KAT14: variants seen among roughly 807,000 people sequenced by gnomAD.
KAT14 encodes the protein lysine acetyltransferase 14, also known as cysteine-rich protein 2-binding protein.
A neutral mutation model predicts 78.4 loss-of-function variants in KAT14; 66 were observed. That is an observed-to-expected ratio of 0.84 (90% confidence interval 0.69 to 1.03). KAT14 has a LOEUF of 1.03. Among genes scored for constraint, KAT14 ranks in the 50% least tolerant of loss-of-function variants. KAT14 has a pLI of 0.00. For missense variants in KAT14, 870 were observed against 972.5 expected (o/e 0.89, Z 1.40); for synonymous variants, 344 against 359.4 (o/e 0.96, Z 0.48).
chr20:18,176,216 G>A (rs1315473787), intron 7 of KAT14, among the ~76,000 whole-genome samples: 6 of 148,886 alleles, frequency 4.0e-5, no homozygotes, highest in East Asian at 4.0e-4. Flanking sequence ...CAGGAGAATC[G>A]CTTGAATCTG....
rs1256400101 is a variant in KAT14, at chr20:18,142,620, T to G, written c.-41T>G. 1 of 1,611,652 alleles carries G rather than the reference T, an allele frequency of 6.2e-7. No individual in the cohort carries two copies. Among genetic ancestry groups the G allele is most frequent in the African/African-American group, 1.3e-5 (1 of 74,858 alleles). ...TAGGGTCACTGTCCAGTGCTTAGGG[T>G]TGTTACTGAGAAGCACTGCCGAGCT... On this transcript the variant is annotated 5_prime_UTR_variant, in exon 2 of 11. Coordinates refer to ENST00000688188, the MANE Select transcript of KAT14 (RefSeq NM_001392073.1).
chr20:18,169,002 T>C (rs1177423752), intron 7 of KAT14, among the ~76,000 whole-genome samples: 1 of 152,188 alleles, frequency 6.6e-6, no homozygotes, highest in African/African-American at 2.4e-5. Flanking sequence ...TTTTTCATCT[T>C]TTTTGTCTTT....
intron 4 of KAT14, among the ~76,000 whole-genome samples, chr20:18,152,892 C>T (rs999381855): frequency 3.3e-5 from 5 of 152,296 alleles, no homozygotes; most frequent in Middle Eastern, 3.4e-3. Flanking sequence ...GCATTAGACT[C>T]GGGGATGCCG....
intron 7 of KAT14, among the ~76,000 whole-genome samples, chr20:18,164,390 G>C (rs2038557652): frequency 6.6e-6 from 1 of 151,944 alleles, no homozygotes; most frequent in African/African-American, 2.4e-5. Context: ...ATTACTATAG[G>C]GGTATAATTG....
chr20:18,175,365 T>G (rs2038999588), intron 7 of KAT14, among the ~76,000 whole-genome samples: 1 of 152,140 alleles, frequency 6.6e-6, no homozygotes, highest in African/African-American at 2.4e-5. Flanking sequence ...GCAAAGTTGA[T>G]TGGCAGCGAT....
chr20:18,159,406 C>T (rs1202535357), intron 5 of KAT14, 141 bp downstream of exon 5: 1 of 860,326 alleles, frequency 1.2e-6, no homozygotes, highest in East Asian at 3.1e-5. Context: ...TGTGATGACA[C>T]TTGTGTGTGT....
intron 4 of KAT14, among the ~76,000 whole-genome samples, chr20:18,154,904 A>G (rs537461508): frequency 3.3e-5 from 5 of 152,376 alleles, no homozygotes; most frequent in African/African-American, 1.2e-4. Flanking sequence ...TTCTGGAAGA[A>G]TTCAAGGCCA....
At chr20:18,186,096 G>A (rs1427832832) in intron 10 of KAT14, among the ~76,000 whole-genome samples, 1 of 152,186 alleles carries the variant, frequency 6.6e-6, no homozygotes, top group Non-Finnish European at 1.5e-5. Flanking sequence ...CCTGAAGACA[G>A]GGCACGAATA....
At position 18,162,194 on chromosome 20, in the gene KAT14, G is replaced by A; in HGVS notation, c.1054G>A (p.Ala352Thr). Residue 352 changes from alanine to threonine, a missense_variant, in exon 6 of 11, where the codon GCA becomes ACA. By Grantham distance (58) the Ala-to-Thr change is moderately conservative. Transcript: ENST00000688188. Reference protein sequence around the residue: ...HSATPSLLSEADLIPDVMPPQ... With the variant: ...HSATPSLLSETDLIPDVMPPQ... ...TGCCACACCTAGCTTGCTTTCAGAA[G>A]CAGATCTGATTCCAGATGTGATGCC... 1 of 1,614,110 alleles carries A rather than the reference G, an allele frequency of 6.2e-7. No individual in the cohort carries two copies. The highest frequency in any genetic ancestry group is 8.5e-7 in the Non-Finnish European group (1 of 1,180,042).
At position 18,187,360 on chromosome 20, in the gene KAT14, A is replaced by T; in HGVS notation, c.2247A>T (p.Gly749=). The change falls in exon 11 of 11, where the codon GGA becomes GGT. Residue 749 remains glycine (G), a synonymous_variant. Transcript: ENST00000688188. ...NPAMLLYQKF[G]FKTEEYVLDF... ...CTATGCTACTGTACCAGAAGTTTGGATTCAAGACTGAAGAATATGTATTAG... is the reference window on the plus strand; with the variant it reads ...CTATGCTACTGTACCAGAAGTTTGGTTTCAAGACTGAAGAATATGTATTAG... 6.2e-7 allele frequency: 1 copy of T among 1,614,166 alleles called. No homozygotes were observed. The highest frequency in any genetic ancestry group is 1.7e-5 in the Admixed American group (1 of 60,016).
At chr20:18,176,351 T>C (rs2039050405) in intron 7 of KAT14, among the ~76,000 whole-genome samples, 1 of 150,730 alleles carries the variant, frequency 6.6e-6, no homozygotes, top group Non-Finnish European at 1.5e-5. Context: ...GGGGATCTGC[T>C]GTGAACTAAG....
intron 7 of KAT14, among the ~76,000 whole-genome samples, chr20:18,163,227 C>G (rs1223304797): frequency 6.6e-6 from 1 of 152,204 alleles, no homozygotes; most frequent in Non-Finnish European, 1.5e-5. Context: ...CTCTCTCTCT[C>G]TGAGGATAGA....
Position 18,138,189 on chromosome 20 carries a change from G to A in KAT14, c.-454+138G>A. The A allele has an allele frequency of 1.1e-5, 14 of 1,268,520 alleles. No homozygotes were observed. In the South Asian group the frequency reaches 3.6e-4, roughly 32 times the overall value. The allele number at this position is 1,268,520 out of a possible 1,614,324, so 78.6% of individuals were successfully genotyped here. A position where few individuals can be genotyped will look rare whatever the true frequency, so the allele number is the denominator to read the frequency against. On this transcript the variant is annotated intron_variant, in intron 1 of 10. Transcript: ENST00000688188. ...GGTGGCGCGGCCCTGCACCCCACGCGTTTGCGGCTGCGGCCGGCGGCCGCT... is the reference window on the plus strand; with the variant it reads ...GGTGGCGCGGCCCTGCACCCCACGCATTTGCGGCTGCGGCCGGCGGCCGCT...
At chr20:18,138,211 C>A (rs941763622) in intron 1 of KAT14, 160 bp downstream of exon 1, 1 of 1,269,028 alleles carries the variant, frequency 7.9e-7, no homozygotes, top group Non-Finnish European at 9.9e-7. Flanking sequence ...GGCCGGCGGC[C>A]GCTCTGCTGG....
At chr20:18,180,057 C>T (rs180706605) in intron 7 of KAT14, among the ~76,000 whole-genome samples, 15 of 152,124 alleles carry the variant, frequency 9.9e-5, no homozygotes, top group Non-Finnish European at 1.5e-4. Flanking sequence ...TTAGTAGAGA[C>T]AGGGTTTCAC....
Position 18,187,336 on chromosome 20 carries a change from T to C in KAT14, c.2223T>C (p.Ala741=). 1.9e-6 allele frequency: 3 copies of C among 1,614,072 alleles called. No homozygotes were observed. Among genetic ancestry groups the C allele is most frequent in the Non-Finnish European group, 2.5e-6 (3 of 1,179,986 alleles). The change falls in exon 11 of 11, where the codon GCT becomes GCC. Residue 741 remains alanine (A), a synonymous_variant. Coordinates refer to ENST00000688188, the MANE Select transcript of KAT14 (RefSeq NM_001392073.1). ...TTCACGTCTCAGCAAGCAACCCCGC[T>C]ATGCTACTGTACCAGAAGTTTGGAT... ...VTLHVSASNP[A]MLLYQKFGFK...
At chr20:18,154,845 G>T (rs1352996242) in intron 4 of KAT14, among the ~76,000 whole-genome samples, 1 of 152,098 alleles carries the variant, frequency 6.6e-6, no homozygotes, top group Non-Finnish European at 1.5e-5. Flanking sequence ...GTAAAATATG[G>T]TAGTAGAAGA....
rs1049855887 is a variant in KAT14, at chr20:18,162,311, G to A, written c.1100-66G>A. On this transcript the variant is annotated intron_variant, in intron 6 of 10. Coordinates refer to ENST00000688188, the MANE Select transcript of KAT14 (RefSeq NM_001392073.1). ...GTATAAATGTACAAGTTTTCACCCCGTGGGCTGTGTGCTCTGCATTTCTTC... is the reference window on the plus strand; with the variant it reads ...GTATAAATGTACAAGTTTTCACCCCATGGGCTGTGTGCTCTGCATTTCTTC... The A allele has an allele frequency of 4.6e-5, 74 of 1,604,930 alleles. No homozygotes were observed. In the Middle Eastern group the frequency reaches 5.0e-4, roughly 11 times the overall value.
At chr20:18,156,811 A>G (rs750979773) in intron 4 of KAT14, among the ~76,000 whole-genome samples, 6 of 152,192 alleles carry the variant, frequency 3.9e-5, no homozygotes, top group Non-Finnish European at 7.3e-5. Context: ...TAAGGACACC[A>G]GTCATATTGG....
Sources: allele counts gnomAD v4.1 joint callset (sites outside exome capture counted in the v4.1 genomes callset), GRCh38; gene constraint gnomAD v4.1.1; transcripts MANE v1.5; gene names NCBI Gene and HGNC (gene_info 2026-07-23, HGNC 2026-07-21).